The following MYO3B variants were observed in gnomAD, a reference collection of about 807,000 sequenced individuals.
MYO3B encodes myosin-IIIb.
A neutral mutation model predicts 174.6 loss-of-function variants in MYO3B; 156 were observed. The observed-to-expected ratio is 0.89, with a 90% CI of 0.78 to 1.02. The LOEUF (loss-of-function observed/expected upper bound fraction) is 1.02, where lower values mean the gene tolerates loss of function less well. Ranked by LOEUF, MYO3B falls within the 50% of genes least tolerant of loss-of-function variation. The probability of loss-of-function intolerance (pLI) is 0.00; values close to 1 mark genes in which losing one functional copy is unlikely to be tolerated. For missense variants in MYO3B, 1,632 were observed against 1,639.4 expected (o/e 1.00, Z 0.08); for synonymous variants, 563 against 569.1 (o/e 0.99, Z 0.15).
At chr2:170,377,950 C>T (rs1428156403) in intron 9 of MYO3B, among the ~76,000 whole-genome samples, 6 of 151,838 alleles carry the variant, frequency 4.0e-5, no homozygotes, top group Admixed American at 3.9e-4. Context: ...TCACATTAAA[C>T]GAGGAATTCT....
At chr2:170,386,002 A>G (rs1409828876) in intron 12 of MYO3B, 187 bp from the exon 13 acceptor site, 3 of 520,430 alleles carry the variant, frequency 5.8e-6, no homozygotes, top group East Asian at 6.3e-5. Context: ...TATGGTACAT[A>G]TGTACAATGG....
intron 7 of MYO3B, among the ~76,000 whole-genome samples, chr2:170,289,678 G>GT (rs900699983): frequency 5.9e-5 from 9 of 151,412 alleles, no homozygotes; most frequent in African/African-American, 2.2e-4. Flanking sequence ...ACGTTTTGTG[G>GT]TTTTTTAGTC....
intron 32 of MYO3B, among the ~76,000 whole-genome samples, chr2:170,572,360 G>A (rs551675976): frequency 5.9e-5 from 9 of 151,910 alleles, no homozygotes; most frequent in East Asian, 1.9e-4. Context: ...CCTGGGAGGC[G>A]GAGGTTGCAG....
At chr2:170,392,853 A>G (rs1214882860) in intron 16 of MYO3B, among the ~76,000 whole-genome samples, 4 of 140,740 alleles carry the variant, frequency 2.8e-5, no homozygotes, top group Non-Finnish European at 6.3e-5. Context: ...ATACCAAAAC[A>G]ATACTGTGGG....
intron 32 of MYO3B, among the ~76,000 whole-genome samples, chr2:170,614,349 A>C (rs1179680934): frequency 6.6e-6 from 1 of 152,236 alleles, no homozygotes; most frequent in Admixed American, 6.5e-5. Context: ...AGTAGCTGTT[A>C]TGATGGGGAT....
intron 7 of MYO3B, among the ~76,000 whole-genome samples, chr2:170,269,220 T>A (rs2093407204): frequency 6.6e-6 from 1 of 152,200 alleles, no homozygotes; most frequent in African/African-American, 2.4e-5. Flanking sequence ...TTTAAACATT[T>A]TTTCCTAGGC....
chr2:170,541,282 A>G (rs150385876), intron 30 of MYO3B, among the ~76,000 whole-genome samples: 40 of 152,278 alleles, frequency 2.6e-4, no homozygotes, highest in African/African-American at 7.7e-4. Context: ...GAATCCACCC[A>G]TCCTATAGGT....
At chr2:170,440,129 A>G (rs1005796996) in intron 22 of MYO3B, among the ~76,000 whole-genome samples, 19 of 152,202 alleles carry the variant, frequency 1.2e-4, no homozygotes, top group African/African-American at 3.6e-4. Context: ...ACCCCATTGT[A>G]TACTCTTGGT....
chr2:170,236,074 G>A lies in MYO3B; in HGVS notation c.687G>A (p.Leu229=). 6.2e-7 allele frequency: 1 copy of A among 1,613,922 alleles called. No individual in the cohort carries two copies. The highest frequency in any genetic ancestry group is 1.1e-5 in the South Asian group (1 of 91,006). ...CCTTGGGGATCACAGCTATTGAACT[G>A]GGGGATGGAGACCCTCCCCTCTTTG... ...VWSLGITAIE[L]GDGDPPLFDM... is the part of the protein sequence containing the mutation. The change falls in exon 7 of 35, where the codon CTG becomes CTA. Residue 229 remains leucine, a synonymous_variant. Transcript: ENST00000408978.
chr2:170,337,277 T>G (rs1345477780), intron 8 of MYO3B, among the ~76,000 whole-genome samples: 1 of 152,244 alleles, frequency 6.6e-6, no homozygotes, highest in East Asian at 1.9e-4. Context: ...GAGCTAAGGT[T>G]CCAATGATTT....
intron 1 of MYO3B, among the ~76,000 whole-genome samples, chr2:170,185,467 T>C (rs1486033899): frequency 2.0e-5 from 3 of 152,218 alleles, no homozygotes; most frequent in African/African-American, 7.2e-5. Context: ...TGCATTGATT[T>C]GTTTCTGTGT....
chr2:170,324,855 G>T (rs755514533), intron 7 of MYO3B, among the ~76,000 whole-genome samples: 8 of 152,180 alleles, frequency 5.3e-5, no homozygotes, highest in Non-Finnish European at 8.8e-5. Context: ...TGGCATTTGG[G>T]ACACCCTGTG....
At position 170,328,838 on chromosome 2, in the gene MYO3B, T is replaced by TAGAAA. The variant is rs1352836729; in HGVS notation, c.750-6547_750-6546insAGAAA. Among the ~76,000 whole-genome samples, 317 of 152,262 alleles carry TAGAAA rather than the reference T, an allele frequency of 2.1e-3. 1 individual carries two copies. Among genetic ancestry groups the TAGAAA allele is most frequent in the African/African-American group, 7.5e-3 (312 of 41,556 alleles). On this transcript the variant is annotated intron_variant, in intron 7 of 34. Coordinates refer to ENST00000408978, the MANE Select transcript of MYO3B (RefSeq NM_138995.5). ...TTTGTGGTGTATAATCCCATTTCTATTGGGATTATACTCTCAACTATATTA... is the reference window on the plus strand; with the variant it reads ...TTTGTGGTGTATAATCCCATTTCTATAGAAATGGGATTATACTCTCAACTATATTA...
chr2:170,308,767 C>T (rs1038234589), intron 7 of MYO3B, among the ~76,000 whole-genome samples: 17 of 152,080 alleles, frequency 1.1e-4, no homozygotes, highest in Non-Finnish European at 2.4e-4. Flanking sequence ...ACTCTCATGC[C>T]CCTTTCCTCC....
rs187971309 is a variant in MYO3B, at chr2:170,428,674, G to A, written c.2651-15293G>A. Among the ~76,000 whole-genome samples the A allele has an allele frequency of 2.0e-3, 302 of 152,206 alleles. 5 individuals carry two copies. The highest frequency in any genetic ancestry group is 0.016 in the Admixed American group (238 of 15,290). ...ACCAGGTTGACATTACACACTGTTC[G>A]TTGTAGTTCCATTTCAGAGAACAGT... On this transcript the variant is annotated intron_variant, in intron 22 of 34. Transcript: ENST00000408978.
At position 170,568,331 on chromosome 2, in the gene MYO3B, T is replaced by C. The variant is rs546560742; in HGVS notation, c.3733+24343T>C. Among the ~76,000 whole-genome samples, 177 of 152,350 alleles carry C rather than the reference T, an allele frequency of 1.2e-3. 2 individuals are homozygous for C. The highest frequency in any genetic ancestry group is 1.8e-3 in the Non-Finnish European group (123 of 68,034). ...GGGGCAGAGTATGGAAGAAGGCCAG[T>C]GATGGAAGGCCAGGGACTTCCCGTC... On this transcript the variant is annotated intron_variant, in intron 32 of 34. Coordinates refer to ENST00000408978, the MANE Select transcript of MYO3B (RefSeq NM_138995.5).
At chr2:170,365,641 G>A (rs1421584705) in intron 8 of MYO3B, among the ~76,000 whole-genome samples, 3 of 152,034 alleles carry the variant, frequency 2.0e-5, no homozygotes, top group African/African-American at 7.2e-5. Flanking sequence ...AATATAGAGA[G>A]GAGTATTTTA....
chr2:170,391,656 A>ACTGCTAATT, intron 15 of MYO3B, 38 bp downstream of exon 15: 1 of 1,172,402 alleles, frequency 8.5e-7, no homozygotes, highest in Non-Finnish European at 1.2e-6. Context: ...TTTTTGATGA[A>ACTGCTAATT]TGTACGATTA....
chr2:170,473,111 ATTTTCT>A (rs899975415), intron 25 of MYO3B, among the ~76,000 whole-genome samples: 40 of 97,902 alleles, frequency 4.1e-4, no homozygotes, highest in South Asian at 3.2e-3. Context: ...TTTCATCACT[ATTTTCT>A]TTTTCTTTTT....
Sources: gnomAD v4.1 joint callset for allele counts (sites outside exome capture counted in the v4.1 genomes callset) on GRCh38, gnomAD v4.1.1 for gene constraint, MANE v1.5 for transcripts, NCBI Gene and HGNC (gene_info 2026-07-23, HGNC 2026-07-21) for gene names.